The following MS4A12 variants were observed in gnomAD, a reference collection of about 807,000 sequenced individuals.
MS4A12 encodes the protein membrane-spanning 4-domains subfamily A member 12.
A neutral mutation model predicts 23.7 loss-of-function variants in MS4A12; 28 were observed. That is an observed-to-expected ratio of 1.18 (90% confidence interval 0.88 to 1.62). MS4A12 has a LOEUF of 1.62. Ranked by LOEUF, MS4A12 falls within the 40% of genes most tolerant of loss-of-function variation. The pLI is 0.00. For synonymous variants in MS4A12, 108 were observed against 110.1 expected, an observed-to-expected ratio of 0.98 and a Z score of 0.12; for missense variants, 342 against 327.0, an observed-to-expected ratio of 1.05 and a Z score of -0.35.
chr11:60,499,078 T>C (rs956729068), intron 2 of MS4A12, among the ~76,000 whole-genome samples: 7 of 152,134 alleles, frequency 4.6e-5, no homozygotes, highest in East Asian at 1.9e-4. Flanking sequence ...AAAAATACTT[T>C]AAAAGAATGT....
chr11:60,505,937 T>G (rs546062470), intron 5 of MS4A12, among the ~76,000 whole-genome samples: 6 of 152,304 alleles, frequency 3.9e-5, no homozygotes, highest in African/African-American at 1.4e-4. Flanking sequence ...TTTAGCAGGC[T>G]CTCAGAAGAC....
At chr11:60,493,204 C>T (rs1167667410) in intron 1 of MS4A12, among the ~76,000 whole-genome samples, 1 of 151,888 alleles carries the variant, frequency 6.6e-6, no homozygotes, top group East Asian at 1.9e-4. Flanking sequence ...GGTGAAACCC[C>T]ATCTCCACTA....
intron 1 of MS4A12, 145 bp from the exon 2 acceptor site, chr11:60,497,168 A>C (rs902065762): frequency 1.0e-6 from 1 of 1,002,276 alleles, no homozygotes; most frequent in South Asian, 1.7e-5. Flanking sequence ...TATGAGAATC[A>C]TGTTTCTATC....
At chr11:60,497,183 G>T in intron 1 of MS4A12, 130 bp from the exon 2 acceptor site, 4 of 1,080,198 alleles carry the variant, frequency 3.7e-6, no homozygotes, top group Non-Finnish European at 5.3e-6. Flanking sequence ...TCTATCAGTT[G>T]TTATGGCCCA....
chr11:60,500,382 T>G (rs1339766408), intron 2 of MS4A12, among the ~76,000 whole-genome samples: 1 of 152,084 alleles, frequency 6.6e-6, no homozygotes, highest in Non-Finnish European at 1.5e-5. Context: ...CAAGAAGACT[T>G]CATGGAAAAG....
At chr11:60,498,155 A>G (rs2086503932) in intron 2 of MS4A12, 1 of 152,404 alleles carries the variant, frequency 6.6e-6, no homozygotes, top group African/African-American at 2.4e-5. Flanking sequence ...GGCATTGTAA[A>G]AACAAAAATG....
rs2086549117 is a variant in MS4A12 at position 60,503,766 on chromosome 11, G to A, written c.537G>A (p.Leu179=). ...TGGCCTTCATTGGAGTGATTCTGCT[G>A]CTGGTGGATATGTGCATCAATGGGG... ...SILAFIGVIL[L]LVDMCINGVA... Residue 179 remains leucine, a synonymous_variant, in exon 5 of 7, where the codon CTG becomes CTA. Transcript: ENST00000016913. 1 of 1,613,838 alleles carries A rather than the reference G, an allele frequency of 6.2e-7. No homozygotes were observed. The highest frequency in any genetic ancestry group is 1.7e-5 in the Admixed American group (1 of 59,988).
intron 1 of MS4A12, among the ~76,000 whole-genome samples, chr11:60,493,636 AC>A (rs1170192579): frequency 1.3e-5 from 2 of 152,098 alleles, no homozygotes; most frequent in Middle Eastern, 3.2e-3. Flanking sequence ...ATTCATTTTC[AC>A]CAGATCAGCA....
chr11:60,502,695 T>C (rs1352770548), intron 4 of MS4A12, among the ~76,000 whole-genome samples: 1 of 152,092 alleles, frequency 6.6e-6, no homozygotes, highest in Admixed American at 6.6e-5. Flanking sequence ...GGTGTCAAGA[T>C]TATATGTAAT....
chr11:60,499,494 G>C (rs2135229966), intron 2 of MS4A12, among the ~76,000 whole-genome samples: 1 of 152,268 alleles, frequency 6.6e-6, no homozygotes, highest in South Asian at 2.1e-4. Context: ...TCTAATACAG[G>C]AGTTCTTTAA....
Position 60,497,322 on chromosome 11 carries a change from A to T in MS4A12, c.4A>T (p.Met2Leu). 6.2e-7 allele frequency: 1 copy of T among 1,612,254 alleles called. No homozygotes were observed. The highest frequency in any genetic ancestry group is 8.5e-7 in the Non-Finnish European group (1 of 1,179,136). The change falls in exon 2 of 7, where the codon ATG (methionine) becomes TTG (leucine). Residue 2 changes from methionine to leucine, a missense_variant. By Grantham distance (15) the Met-to-Leu change is conservative. Coordinates refer to ENST00000016913, the MANE Select transcript of MS4A12 (RefSeq NM_017716.3). The stretch of plus-strand genomic sequence containing the variant: ...GTTTTGTGATACTTAGGACATAATG[A>T]TGTCATCCAAGCCAACAAGCCATGC... Reference protein sequence around the residue: MMSSKPTSHAEV... With the variant: MLSSKPTSHAEV...
intron 4 of MS4A12, among the ~76,000 whole-genome samples, chr11:60,503,045 G>T (rs999594709): frequency 6.6e-6 from 1 of 152,158 alleles, no homozygotes; most frequent in Non-Finnish European, 1.5e-5. Context: ...GAACTCGACT[G>T]TGCCACCCCT....
At chr11:60,494,416 A>G (rs2086472503) in intron 1 of MS4A12, among the ~76,000 whole-genome samples, 1 of 152,250 alleles carries the variant, frequency 6.6e-6, no homozygotes, top group Non-Finnish European at 1.5e-5. Flanking sequence ...GAAATCATAT[A>G]CATGCAGAAA....
intron 4 of MS4A12, among the ~76,000 whole-genome samples, chr11:60,503,182 CTAAA>C (rs1321047654): frequency 2.6e-5 from 4 of 152,134 alleles, no homozygotes; most frequent in Non-Finnish European, 5.9e-5. Flanking sequence ...TTTTCTCCTT[CTAAA>C]TTTGGGGGTT....
At chr11:60,493,685 T>C (rs1367366596) in intron 1 of MS4A12, among the ~76,000 whole-genome samples, 2 of 152,262 alleles carry the variant, frequency 1.3e-5, no homozygotes, top group Non-Finnish European at 2.9e-5. Flanking sequence ...CCTGTGGATG[T>C]ACTGGGTGAT....
intron 2 of MS4A12, chr11:60,497,864 C>T (rs889209858): frequency 2.8e-5 from 9 of 326,434 alleles, no homozygotes; most frequent in Non-Finnish European, 5.0e-5. Flanking sequence ...CTAGCTTGAT[C>T]TCATTTCTTC....
At chr11:60,501,594 G>T (rs2086530918) in intron 3 of MS4A12, among the ~76,000 whole-genome samples, 1 of 152,106 alleles carries the variant, frequency 6.6e-6, no homozygotes, top group Non-Finnish European at 1.5e-5. Context: ...TGTGATTGTA[G>T]TCCCAGCTAC....
intron 1 of MS4A12, among the ~76,000 whole-genome samples, chr11:60,496,366 T>C (rs1273775914): frequency 6.6e-6 from 1 of 152,206 alleles, no homozygotes; most frequent in Non-Finnish European, 1.5e-5. Context: ...AGTGTCATAA[T>C]TTTTTTCAAG....
intron 4 of MS4A12, 85 bp downstream of exon 4, chr11:60,502,124 GA>G: frequency 7.2e-7 from 1 of 1,392,458 alleles, no homozygotes. Context: ...CTGGATTTGG[GA>G]AATGCAAAAG....
Sources: allele counts gnomAD v4.1 joint callset (sites outside exome capture counted in the v4.1 genomes callset), GRCh38; gene constraint gnomAD v4.1.1; transcripts MANE v1.5; gene names NCBI Gene and HGNC (gene_info 2026-07-23, HGNC 2026-07-21).